The following TXNRD3 variants were observed in gnomAD, a reference collection of about 807,000 sequenced individuals.
TXNRD3 encodes TXNRD3 neighbor gene protein.
TXNRD3 carries 68 observed loss-of-function variants against 78.2 expected under a neutral mutation model. The observed-to-expected ratio is 0.87, with a 90% CI of 0.72 to 1.06. The LOEUF is 1.06. Ranked by LOEUF, TXNRD3 falls within the 50% of genes least tolerant of loss-of-function variation. The pLI is 0.00. For missense variants in TXNRD3, 751 were observed against 809.5 expected, an observed-to-expected ratio of 0.93 and a Z score of 0.88; for synonymous variants, 296 against 300.1, an observed-to-expected ratio of 0.99 and a Z score of 0.14.
chr3:126,638,963 A>T (rs1044031955), intron 6 of TXNRD3, among the ~76,000 whole-genome samples: 10 of 152,172 alleles, frequency 6.6e-5, no homozygotes, highest in Admixed American at 5.2e-4. Context: ...CAGAAGTAAC[A>T]CACAGAAAGG....
intron 12 of TXNRD3, among the ~76,000 whole-genome samples, chr3:126,618,798 T>C (rs562789878): frequency 6.6e-6 from 1 of 150,546 alleles, no homozygotes; most frequent in South Asian, 2.1e-4. Context: ...GGAGAAAATA[T>C]TTGTAAACTA....
chr3:126,628,891 AAG>A (rs1414719485), intron 10 of TXNRD3, among the ~76,000 whole-genome samples: 3 of 152,070 alleles, frequency 2.0e-5, no homozygotes, highest in Non-Finnish European at 4.4e-5. Flanking sequence ...TCTACATAAA[AAG>A]AGTATATAAA....
At chr3:126,617,927 T>A (rs1938354555) in intron 12 of TXNRD3, among the ~76,000 whole-genome samples, 1 of 152,116 alleles carries the variant, frequency 6.6e-6, no homozygotes. Context: ...TATACACCAA[T>A]AACAAACTAA....
chr3:126,629,488 G>T lies in TXNRD3; in HGVS notation c.1198-17C>A. ...CTGTTGAACCTAGTAAGAATGAAGA[G>T]TGTAATGATGTTATCTAAATATGAT... On this transcript the variant is annotated splice_polypyrimidine_tract_variant and intron_variant, in intron 9 of 15. Coordinates refer to ENST00000524230, the MANE Select transcript of TXNRD3 (RefSeq NM_052883.3). 6.6e-7 allele frequency: 1 copy of T among 1,504,744 alleles called. No homozygotes were observed. Among genetic ancestry groups the T allele is most frequent in the Non-Finnish European group, 8.9e-7 (1 of 1,120,096 alleles). The allele number at this position is 1,504,744 out of a possible 1,614,324, so 93.2% of individuals were successfully genotyped here.
chr3:126,627,496 AACTG>A (rs1349969526), intron 10 of TXNRD3, among the ~76,000 whole-genome samples: 1 of 152,234 alleles, frequency 6.6e-6, no homozygotes, highest in African/African-American at 2.4e-5. Context: ...CATCTGTCAA[AACTG>A]ACTGAACTGT....
At chr3:126,610,483 C>T (rs1938174801) in intron 14 of TXNRD3, among the ~76,000 whole-genome samples, 1 of 152,152 alleles carries the variant, frequency 6.6e-6, no homozygotes. Context: ...GGAAAGCCTC[C>T]AATAATGGGC....
At chr3:126,627,225 A>G (rs1417529522) in intron 10 of TXNRD3, among the ~76,000 whole-genome samples, 2 of 152,254 alleles carry the variant, frequency 1.3e-5, no homozygotes, top group Non-Finnish European at 2.9e-5. Context: ...AATCTATACG[A>G]TAAAAAGAAC....
At chr3:126,612,934 C>A (rs1283785558) in intron 13 of TXNRD3, among the ~76,000 whole-genome samples, 2 of 152,172 alleles carry the variant, frequency 1.3e-5, no homozygotes, top group Non-Finnish European at 2.9e-5. Context: ...GCATTTGAAT[C>A]CATTTCTGGG....
intron 7 of TXNRD3, 125 bp downstream of exon 7, chr3:126,633,784 C>CGT (rs148725874): frequency 4.4e-4 from 226 of 512,842 alleles, no homozygotes; most frequent in South Asian, 6.7e-4. Context: ...CATGCATGGC[C>CGT]GTGTGTGTGT....
chr3:126,633,811 G>T, intron 7 of TXNRD3, 98 bp downstream of exon 7: 1 of 998,622 alleles, frequency 1.0e-6, no homozygotes, highest in Non-Finnish European at 1.4e-6. Context: ...ACGCACGCCT[G>T]TTACACCCCT....
chr3:126,654,761 G>A lies in TXNRD3; in HGVS notation c.230C>T (p.Pro77Leu). The A allele has an allele frequency of 1.4e-5, 20 of 1,412,968 alleles. No homozygotes were observed. Among genetic ancestry groups the A allele is most frequent in the Non-Finnish European group, 1.8e-5 (20 of 1,083,222 alleles). 87.5% of individuals were successfully genotyped at this position (1,412,968 alleles called of 1,614,324 possible). A position where few individuals can be genotyped will look rare whatever the true frequency, so the allele number is the denominator to read the frequency against. ...GGCCGCGCCTACCCGAGTACTATGG[G>A]GACAGTAGCTCTTGCTGAAGATCAC... The change falls in exon 1 of 16, where the codon CCC becomes CTC. Residue 77 changes from proline to leucine, a missense_variant. Transcript: ENST00000524230.
chr3:126,640,830 G>A (rs1404589945), intron 6 of TXNRD3, among the ~76,000 whole-genome samples: 1 of 150,878 alleles, frequency 6.6e-6, no homozygotes, highest in African/African-American at 2.4e-5. Flanking sequence ...CATAAAAGGT[G>A]TGAAAGTTGT....
rs1204451660 is a variant in TXNRD3 at position 126,607,659 on chromosome 3, G to A, written c.*246C>T. ...AGTCAGCCTTGGCTCACCTCATAAC[G>A]GGGCTCCAAGCTAAGGCGTCAAGGA... is the stretch of plus-strand genomic sequence containing the variant. On this transcript the variant is annotated 3_prime_UTR_variant, in exon 16 of 16. Transcript: ENST00000524230. The A allele has an allele frequency of 2.7e-5, 9 of 332,748 alleles. No homozygotes were observed. The Admixed American group carries it at 3.9e-4, about 14-fold the overall frequency. The allele number at this position is 332,748 out of a possible 1,614,324, so 20.6% of individuals were successfully genotyped here. A position where few individuals can be genotyped will look rare whatever the true frequency, so the allele number is the denominator to read the frequency against.
At position 126,654,876 on chromosome 3, in the gene TXNRD3, G is replaced by C. The variant is rs1267476574; in HGVS notation, c.115C>G (p.Arg39Gly). The C allele has an allele frequency of 1.5e-5, 20 of 1,330,790 alleles. No homozygotes were observed. The highest frequency in any genetic ancestry group is 1.7e-5 in the Non-Finnish European group (18 of 1,049,006). The allele number at this position is 1,330,790 out of a possible 1,614,324, so 82.4% of individuals were successfully genotyped here. A position where few individuals can be genotyped will look rare whatever the true frequency, so the allele number is the denominator to read the frequency against. The stretch of plus-strand genomic sequence containing the variant: ...CGGCTGGGCCCGGGGGACGACAGGC[G>C]GGCACGGCGCCCCGGCGGCGACAAC... Residue 39 changes from arginine to glycine, a missense_variant, in exon 1 of 16, where the codon CGC (arginine) becomes GGC (glycine). Arg to Gly is a moderately radical substitution (Grantham distance 125). Coordinates refer to ENST00000524230, the MANE Select transcript of TXNRD3 (RefSeq NM_052883.3).
intron 7 of TXNRD3, 40 bp from the exon 8 acceptor site, chr3:126,631,919 C>T (rs188860317): frequency 3.0e-6 from 4 of 1,344,014 alleles, no homozygotes; most frequent in Non-Finnish European, 4.1e-6. Flanking sequence ...GCAAACACTA[C>T]AGAGTACCAG....
chr3:126,623,855 A>AAAAAAAAAAAAAAAAAAAAAAAAAT (rs1938510262), intron 10 of TXNRD3, among the ~76,000 whole-genome samples: 1 of 150,478 alleles, frequency 6.6e-6, no homozygotes, highest in Non-Finnish European at 1.5e-5. Flanking sequence ...ACAAGGCCAA[A>AAAAAAAAAAAAAAAAAAAAAAAAAT]AAAAAAAAAA....
intron 12 of TXNRD3, among the ~76,000 whole-genome samples, chr3:126,620,530 G>C (rs936284290): frequency 6.6e-6 from 1 of 152,144 alleles, no homozygotes; most frequent in Non-Finnish European, 1.5e-5. Flanking sequence ...AAAGGAATAT[G>C]AACTACACAT....
chr3:126,617,795 T>C (rs2107612092), intron 12 of TXNRD3, among the ~76,000 whole-genome samples: 1 of 152,292 alleles, frequency 6.6e-6, no homozygotes, highest in Admixed American at 6.5e-5. Context: ...CTGTCCCTCT[T>C]TGCAGACAAT....
chr3:126,633,238 G>A (rs1241964738), intron 7 of TXNRD3, among the ~76,000 whole-genome samples: 1 of 151,976 alleles, frequency 6.6e-6, no homozygotes, highest in Non-Finnish European at 1.5e-5. Flanking sequence ...TAAATAAAAT[G>A]CTGAAAATAA....
Sources: gnomAD v4.1 joint callset for allele counts (sites outside exome capture counted in the v4.1 genomes callset) on GRCh38, gnomAD v4.1.1 for gene constraint, MANE v1.5 for transcripts, NCBI Gene and HGNC (gene_info 2026-07-23, HGNC 2026-07-21) for gene names.